LRP1B: variants seen among roughly 807,000 people sequenced by gnomAD.
LRP1B encodes low-density lipoprotein receptor-related protein 1B.
In LRP1B, 217 loss-of-function variants were observed where a neutral mutation model predicts 556.6. The observed-to-expected ratio is 0.39, with a 90% CI of 0.35 to 0.44. The LOEUF is 0.44. Ranked by LOEUF, LRP1B falls within the 20% of genes least tolerant of loss-of-function variation. The probability of loss-of-function intolerance (pLI) is 1.00; values close to 1 mark genes in which losing one functional copy is unlikely to be tolerated. For synonymous variants in LRP1B, 2,047 were observed against 1,865.8 expected, an observed-to-expected ratio of 1.10 and a Z score of -2.50; for missense variants, 5,053 against 5,620.8, an observed-to-expected ratio of 0.90 and a Z score of 3.23.
At chr2:140,429,438 G>A (rs62172976) in intron 66 of LRP1B, among the ~76,000 whole-genome samples, 3 of 151,802 alleles carry the variant, frequency 2.0e-5, no homozygotes, top group South Asian at 2.1e-4. Context: ...GCCTCTCTTC[G>A]CTTTCACTTG....
At chr2:141,121,556 C>T (rs954141358) in intron 7 of LRP1B, among the ~76,000 whole-genome samples, 1 of 151,874 alleles carries the variant, frequency 6.6e-6, no homozygotes, top group Non-Finnish European at 1.5e-5. Context: ...TGTGAAGGAC[C>T]TCTTCAAGGA....
intron 2 of LRP1B, among the ~76,000 whole-genome samples, chr2:141,588,469 T>C (rs983105652): frequency 6.6e-6 from 1 of 152,170 alleles, no homozygotes; most frequent in Admixed American, 6.5e-5. Context: ...GAGTACCATA[T>C]GAAACTCAAT....
intron 82 of LRP1B, 50 bp from the exon 83 acceptor site, chr2:140,315,149 TAATAAA>T: frequency 7.9e-7 from 1 of 1,262,536 alleles, no homozygotes; most frequent in Non-Finnish European, 1.1e-6. Flanking sequence ...GGGAGTAATT[TAATAAA>T]ATAATTCAAA....
At chr2:141,297,920 C>T (rs1202876124) in intron 3 of LRP1B, among the ~76,000 whole-genome samples, 1 of 152,078 alleles carries the variant, frequency 6.6e-6, no homozygotes, top group African/African-American at 2.4e-5. Flanking sequence ...TACTATATAG[C>T]CTAGTTATAT....
chr2:141,653,783 C>T (rs915550301), intron 2 of LRP1B, among the ~76,000 whole-genome samples: 1 of 152,138 alleles, frequency 6.6e-6, no homozygotes, highest in African/African-American at 2.4e-5. Context: ...TCAATGAGGA[C>T]TAAAAATTCA....
At chr2:140,764,454 C>G (rs972526395) in intron 35 of LRP1B, among the ~76,000 whole-genome samples, 23 of 152,066 alleles carry the variant, frequency 1.5e-4, no homozygotes, top group African/African-American at 5.1e-4. Context: ...TTACCTGTAT[C>G]ATGAGGGAGT....
intron 7 of LRP1B, among the ~76,000 whole-genome samples, chr2:141,094,245 T>G (rs913691579): frequency 6.6e-6 from 1 of 152,200 alleles, no homozygotes; most frequent in African/African-American, 2.4e-5. Context: ...TAAATTGACA[T>G]TTTGTTTATT....
intron 3 of LRP1B, among the ~76,000 whole-genome samples, chr2:141,307,421 G>C (rs1169706727): frequency 6.6e-6 from 1 of 151,828 alleles, no homozygotes; most frequent in Admixed American, 6.6e-5. Context: ...GGTATGTGTA[G>C]CTATTCCTGC....
At chr2:141,970,399 G>C (rs1004534010) in intron 1 of LRP1B, among the ~76,000 whole-genome samples, 2 of 151,492 alleles carry the variant, frequency 1.3e-5, no homozygotes, top group African/African-American at 4.8e-5. Flanking sequence ...TCAGTGATAC[G>C]ATGAATGATG....
At chr2:140,929,985 TC>T (rs1695002998) in intron 20 of LRP1B, among the ~76,000 whole-genome samples, 1 of 152,220 alleles carries the variant, frequency 6.6e-6, no homozygotes, top group African/African-American at 2.4e-5. Flanking sequence ...GAAATCCGCT[TC>T]TGTTAACTGT....
chr2:141,967,805 C>T (rs2105068511), intron 1 of LRP1B, among the ~76,000 whole-genome samples: 1 of 151,870 alleles, frequency 6.6e-6, no homozygotes, highest in South Asian at 2.1e-4. Context: ...ATGATATTTA[C>T]TATAAGCCTG....
chr2:140,847,373 G>A (rs778420448), intron 29 of LRP1B, among the ~76,000 whole-genome samples: 42 of 152,142 alleles, frequency 2.8e-4, no homozygotes, highest in Non-Finnish European at 4.3e-4. Context: ...ATAATTTGGC[G>A]TCTATTTCAT....
intron 2 of LRP1B, among the ~76,000 whole-genome samples, chr2:141,709,001 T>C (rs1174428388): frequency 6.6e-6 from 1 of 152,128 alleles, no homozygotes; most frequent in Admixed American, 6.6e-5. Flanking sequence ...ATGGCAGCCT[T>C]AGCAAATTAA....
chr2:141,214,142 T>A (rs1163137243), intron 6 of LRP1B, among the ~76,000 whole-genome samples: 5 of 152,226 alleles, frequency 3.3e-5, no homozygotes, highest in East Asian at 1.9e-4. Flanking sequence ...GTATTCTTTT[T>A]ACAAAATCTC....
chr2:140,922,223 T>C (rs1000181611), intron 21 of LRP1B, among the ~76,000 whole-genome samples: 2 of 152,028 alleles, frequency 1.3e-5, no homozygotes, highest in Non-Finnish European at 2.9e-5. Flanking sequence ...TAATAAAATA[T>C]AGTAGAATAT....
intron 11 of LRP1B, among the ~76,000 whole-genome samples, chr2:141,032,354 A>C (rs1352462131): frequency 6.6e-6 from 1 of 152,146 alleles, no homozygotes; most frequent in Non-Finnish European, 1.5e-5. Context: ...TCTATAGAAT[A>C]GGTAACTAAT....
intron 1 of LRP1B, among the ~76,000 whole-genome samples, chr2:142,084,981 G>A (rs1240958056): frequency 1.3e-5 from 2 of 152,112 alleles, no homozygotes; most frequent in Admixed American, 6.5e-5. Context: ...TCTGTCAATG[G>A]TTCCTAGAGG....
intron 15 of LRP1B, among the ~76,000 whole-genome samples, chr2:141,004,997 T>C (rs1006777336): frequency 4.6e-5 from 7 of 152,012 alleles, no homozygotes; most frequent in Non-Finnish European, 8.8e-5. Flanking sequence ...TGTAGGCCTA[T>C]GTTGTGCGTC....
intron 1 of LRP1B, among the ~76,000 whole-genome samples, chr2:142,101,688 C>T (rs1706574136): frequency 6.6e-6 from 1 of 151,916 alleles, no homozygotes; most frequent in South Asian, 2.1e-4. Flanking sequence ...AAAAATCAGG[C>T]TCAAACTTTG....
Sources: allele counts gnomAD v4.1 joint callset (sites outside exome capture counted in the v4.1 genomes callset), GRCh38; gene constraint gnomAD v4.1.1; transcripts MANE v1.5; gene names NCBI Gene and HGNC (gene_info 2026-07-23, HGNC 2026-07-21).